CTSB: variants seen among roughly 807,000 people sequenced by gnomAD.
CTSB encodes the protein APP secretase.
CTSB carries 57 observed loss-of-function variants against 44.3 expected under a neutral mutation model. The ratio of observed to expected loss-of-function variants is 1.29; its 90% CI spans 1.04 to 1.60. The LOEUF is 1.60. Among genes scored for constraint, CTSB ranks in the 40% most tolerant of loss-of-function variants. The pLI is 0.00. For missense variants in CTSB, 768 were observed against 443.0 expected (o/e 1.73, Z -6.59); for synonymous variants, 320 against 168.0 (o/e 1.91, Z -7.00).
intron 8 of CTSB, chr8:11,846,067 TTGATAAAACATTTAATGCTAGATGAC>T (rs1326993295): frequency 1.9e-5 from 5 of 267,832 alleles, no homozygotes; most frequent in African/African-American, 1.1e-4. Flanking sequence ...TACATTCTAA[TTGATAAAACATTTAATGCTAGATGAC>T]TGATTCATCT....
At chr8:11,845,530 G>T in intron 9 of CTSB, 131 bp downstream of exon 9, 2 of 1,139,070 alleles carry the variant, frequency 1.8e-6, no homozygotes, top group South Asian at 1.6e-5. Context: ...CTGGCACTTA[G>T]GAGGAGCTCA....
chr8:11,862,143 T>C (rs1252028262), intron 1 of CTSB, among the ~76,000 whole-genome samples: 20 of 146,602 alleles, frequency 1.4e-4, no homozygotes, highest in African/African-American at 2.3e-4. Context: ...GGAGGCGGAG[T>C]TTGCAGTGAG....
intron 4 of CTSB, chr8:11,849,385 A>G (rs1464638263): frequency 5.3e-6 from 2 of 380,556 alleles, no homozygotes; most frequent in South Asian, 2.8e-5. Context: ...GGTTCAAGTG[A>G]TTTGCCCACC....
chr8:11,856,108 A>T (rs1370709204), intron 1 of CTSB, among the ~76,000 whole-genome samples: 2 of 152,116 alleles, frequency 1.3e-5, no homozygotes, highest in African/African-American at 4.8e-5. Flanking sequence ...CATGTATCAG[A>T]TTGGCAAGGG....
At position 11,845,158 on chromosome 8, in the gene CTSB, A is replaced by C; in HGVS notation, c.987T>G (p.Ile329Met). 1 of 1,614,002 alleles carries C rather than the reference A, an allele frequency of 6.2e-7. No individual in the cohort carries two copies. Among genetic ancestry groups the C allele is most frequent in the South Asian group, 1.1e-5 (1 of 91,068 alleles). ...TTTCCCAGTACTGATCGGTGCGTGG[A>C]ATTCCAGCCACCACTTCTGATTCGA... ...CGIESEVVAG[I>M]PRTDQYWEKI is the part of the protein sequence containing the mutation. Residue 329 changes from isoleucine (I) to methionine (M), a missense_variant, in exon 10 of 10, where the codon ATT (isoleucine) becomes ATG (methionine). By Grantham distance (10) the Ile-to-Met change is conservative. Transcript: ENST00000353047.
intron 1 of CTSB, among the ~76,000 whole-genome samples, chr8:11,865,072 TAG>T: frequency 6.6e-6 from 1 of 152,136 alleles, no homozygotes; most frequent in East Asian, 1.9e-4. Flanking sequence ...GGACCAGACG[TAG>T]AGACTGCTGC....
chr8:11,848,419 G>C (rs1461916227), intron 5 of CTSB: 1 of 587,036 alleles, frequency 1.7e-6, no homozygotes, highest in African/African-American at 1.8e-5. Context: ...TACCAGACCA[G>C]GCTACGAGTG....
At chr8:11,846,962 T>A in intron 8 of CTSB, 90 bp downstream of exon 8, 11 of 735,436 alleles carry the variant, frequency 1.5e-5, no homozygotes, top group African/African-American at 1.7e-5. Flanking sequence ...GCCTGCCCAA[T>A]CCAGCCCTAT....
intron 3 of CTSB, among the ~76,000 whole-genome samples, chr8:11,851,643 C>A (rs1304040015): frequency 2.0e-5 from 3 of 151,938 alleles, no homozygotes; most frequent in African/African-American, 7.3e-5. Context: ...TGCCCAGGAT[C>A]CTCTCATCAT....
intron 1 of CTSB, among the ~76,000 whole-genome samples, chr8:11,858,275 G>C (rs1453887388): frequency 6.6e-6 from 1 of 152,198 alleles, no homozygotes; most frequent in African/African-American, 2.4e-5. Flanking sequence ...GCCAGGAAGA[G>C]TCTAAATGAA....
intron 1 of CTSB, among the ~76,000 whole-genome samples, chr8:11,862,710 G>A (rs376468619): frequency 6.6e-6 from 1 of 152,228 alleles, no homozygotes; most frequent in South Asian, 2.1e-4. Flanking sequence ...TGGGACTTGC[G>A]CAAGCCAGGA....
rs1020699437 is a variant in CTSB, at chr8:11,845,516, C to G, written c.922+145G>C. The G allele has an allele frequency of 1.7e-5, 17 of 978,740 alleles. No individual in the cohort carries two copies. In the East Asian group the frequency reaches 4.2e-4, roughly 24 times the overall value. 60.6% of individuals were successfully genotyped at this position (978,740 alleles called of 1,614,324 possible). ...CCTCACAGCAAAAGGGAACTCCTGA[C>G]TGCCTGGCACTTAGGAGGAGCTCAC... On this transcript the variant is annotated intron_variant, in intron 9 of 9. Transcript: ENST00000353047.
chr8:11,850,285 G>T (rs1481915106), intron 4 of CTSB, among the ~76,000 whole-genome samples: 1 of 151,888 alleles, frequency 6.6e-6, no homozygotes, highest in African/African-American at 2.4e-5. Context: ...TGGGCGTGGT[G>T]GCACATGCCT....
chr8:11,850,342 C>G (rs561697894), intron 4 of CTSB, among the ~76,000 whole-genome samples: 3 of 145,630 alleles, frequency 2.1e-5, no homozygotes, highest in Admixed American at 1.4e-4. Context: ...TTGCTTGAAC[C>G]CAGGAGGCAG....
Position 11,853,478 on chromosome 8 carries a change from A to G in CTSB, c.-24T>C. On this transcript the variant is annotated splice_region_variant and 5_prime_UTR_variant, in exon 2 of 10. Transcript: ENST00000353047. ...ATGTTGGAAGCCGGATCCTAGATCC[A>G]CCTGGAGAGGACAGAGGGCATCAGG... 1.9e-6 allele frequency: 3 copies of G among 1,609,060 alleles called. No individual in the cohort carries two copies. Among genetic ancestry groups the G allele is most frequent in the Non-Finnish European group, 2.5e-6 (3 of 1,178,704 alleles).
chr8:11,847,817 T>C lies in CTSB; in HGVS notation c.538A>G (p.Arg180Gly), dbSNP rs538222765. The C allele has an allele frequency of 1.3e-6, 2 of 1,591,410 alleles. No individual in the cohort carries two copies. The highest frequency in any genetic ancestry group is 1.7e-6 in the Non-Finnish European group (2 of 1,173,756). Residue 180 changes from arginine to glycine, a missense_variant, in exon 7 of 10, where the codon AGA becomes GGA. Arg to Gly is a moderately radical substitution (Grantham distance 125). Transcript: ENST00000353047. ...GGLYESHVGC[R>G]PYSIPPCEHH... ...TCACAGGGAGGGATGGAGTACGGTCTGCACCCTGATGGGACGCGGGAGAAA... is the reference window on the plus strand; with the variant it reads ...TCACAGGGAGGGATGGAGTACGGTCCGCACCCTGATGGGACGCGGGAGAAA...
At chr8:11,852,520 G>A (rs910786273) in intron 3 of CTSB, 90 bp downstream of exon 3, 11 of 969,590 alleles carry the variant, frequency 1.1e-5, no homozygotes, top group East Asian at 7.7e-5. Flanking sequence ...CCCTGCGGAC[G>A]CCAGAGAGGC....
chr8:11,853,946 TGGGCTGGTGGAGGTTGAGGCTGAGAGGTG>T (rs2131065333), intron 1 of CTSB: 1 of 152,976 alleles, frequency 6.5e-6, no homozygotes, highest in Admixed American at 6.5e-5. Context: ...AAGCTCGGTG[TGGGCTGGTGGAGGTTGAGGCTGAGAGGTG>T]GGGCTGGGCT....
In CTSB at chr8:11,847,126, A is replaced by G. The variant is rs753532924; in HGVS notation, c.719T>C (p.Met240Thr). The G allele has an allele frequency of 6.3e-7, 1 of 1,578,804 alleles. No homozygotes were observed. Among genetic ancestry groups the G allele is most frequent in the Non-Finnish European group, 8.6e-7 (1 of 1,161,876 alleles). The change falls in exon 8 of 10, where the codon ATG becomes ACG. Residue 240 changes from methionine (M) to threonine (T), a missense_variant. Coordinates refer to ENST00000353047, the MANE Select transcript of CTSB (RefSeq NM_001908.5). ...GGGGCCGTTTTTGTAGATCTCGGCC[A>G]TGATGTCCTTCTCGCTATTGGAGAC... Reference protein sequence around the residue: ...YSVSNSEKDIMAEIYKNGPVE... With the variant: ...YSVSNSEKDITAEIYKNGPVE...
Sources: allele counts gnomAD v4.1 joint callset (sites outside exome capture counted in the v4.1 genomes callset), GRCh38; gene constraint gnomAD v4.1.1; transcripts MANE v1.5; gene names NCBI Gene and HGNC (gene_info 2026-07-23, HGNC 2026-07-21).